The following ADGRB3 variants were observed in gnomAD, a reference collection of about 807,000 sequenced individuals.
ADGRB3 encodes brain-specific angiogenesis inhibitor 3.
ADGRB3 carries 37 observed loss-of-function variants against 193.4 expected under a neutral mutation model. The observed-to-expected ratio is 0.19, with a 90% confidence interval of 0.15 to 0.25. ADGRB3 has a LOEUF of 0.25. ADGRB3 is among the 10% of genes least tolerant of loss of function. The pLI is 1.00. For missense variants in ADGRB3, 1,637 were observed against 1,852.9 expected (o/e 0.88, Z 2.14); for synonymous variants, 690 against 644.2 (o/e 1.07, Z -1.08).
chr6:68,832,444 C>A (rs549440613), intron 3 of ADGRB3, among the ~76,000 whole-genome samples: 68 of 152,220 alleles, frequency 4.5e-4, no homozygotes, highest in African/African-American at 1.6e-3. Context: ...GGTTCATGCT[C>A]ATTTCTGAGT....
intron 26 of ADGRB3, among the ~76,000 whole-genome samples, chr6:69,345,711 C>T (rs1769069963): frequency 6.6e-6 from 1 of 152,122 alleles, no homozygotes; most frequent in Non-Finnish European, 1.5e-5. Flanking sequence ...AAGATGCCCT[C>T]TCTCACCACT....
intron 20 of ADGRB3, among the ~76,000 whole-genome samples, chr6:69,260,807 G>A (rs1766907752): frequency 6.6e-6 from 1 of 151,980 alleles, no homozygotes. Context: ...ATTTGCCATT[G>A]TAGTTTTTCA....
At chr6:69,147,033 G>C (rs1774522006) in intron 17 of ADGRB3, among the ~76,000 whole-genome samples, 1 of 149,370 alleles carries the variant, frequency 6.7e-6, no homozygotes, top group Admixed American at 6.7e-5. Context: ...TATTTATTTG[G>C]GTATCTCTCA....
At chr6:69,235,194 G>A in intron 19 of ADGRB3, 59 bp downstream of exon 19, 1 of 1,260,416 alleles carries the variant, frequency 7.9e-7, no homozygotes, top group Admixed American at 1.9e-5. Context: ...GTTAAATCAA[G>A]GAATGTGATA....
chr6:68,727,351 A>G (rs754669939), intron 3 of ADGRB3, among the ~76,000 whole-genome samples: 12 of 151,654 alleles, frequency 7.9e-5, no homozygotes, highest in Admixed American at 2.0e-4. Flanking sequence ...ATTTAAGACT[A>G]GAAATTAGGA....
At chr6:69,004,509 A>G (rs1017842985) in intron 11 of ADGRB3, among the ~76,000 whole-genome samples, 18 of 150,184 alleles carry the variant, frequency 1.2e-4, no homozygotes, top group Admixed American at 3.3e-4. Context: ...GGTGTGCTGC[A>G]CCCATTAACT....
intron 3 of ADGRB3, among the ~76,000 whole-genome samples, chr6:68,785,919 A>C (rs1033065552): frequency 3.3e-5 from 5 of 151,940 alleles, no homozygotes; most frequent in African/African-American, 4.8e-5. Context: ...GATGATGAGC[A>C]TTTTTTCATG....
chr6:68,668,403 TAGAC>T (rs1768851968), intron 3 of ADGRB3, among the ~76,000 whole-genome samples: 1 of 151,988 alleles, frequency 6.6e-6, no homozygotes, highest in Admixed American at 6.6e-5. Context: ...GAAGCTATAA[TAGAC>T]AGTGAGCTCC....
At chr6:68,772,894 A>AATATATATATATAT (rs1208790675) in intron 3 of ADGRB3, among the ~76,000 whole-genome samples, 7 of 22,868 alleles carry the variant, frequency 3.1e-4, no homozygotes, top group African/African-American at 1.2e-3. Context: ...AAAAAAAAAA[A>AATATATATATATAT]ATATATATAT....
At chr6:69,037,134 A>G (rs778981423) in intron 13 of ADGRB3, among the ~76,000 whole-genome samples, 2 of 152,120 alleles carry the variant, frequency 1.3e-5, no homozygotes, top group Non-Finnish European at 2.9e-5. Context: ...GGGGGCGAAA[A>G]TATCAATAGT....
intron 3 of ADGRB3, among the ~76,000 whole-genome samples, chr6:68,689,677 T>G (rs1462102040): frequency 3.3e-5 from 5 of 152,100 alleles, no homozygotes; most frequent in Non-Finnish European, 7.4e-5. Context: ...TTGTTTGTTT[T>G]TGTTTTTTTT....
In ADGRB3 at chr6:69,193,443, T is replaced by C. The variant is rs571018282; in HGVS notation, c.2481-39847T>C. On this transcript the variant is annotated intron_variant, in intron 17 of 31. Coordinates refer to ENST00000370598, the MANE Select transcript of ADGRB3 (RefSeq NM_001704.3). ...TATCTGTTAGTGGGTGTGGATGTGC[T>C]TCGGCATCTATACTTTTATTCAGGC... 7.2e-5 allele frequency among the ~76,000 whole-genome samples: 11 copies of C among 152,268 alleles called. No homozygotes were observed. The South Asian group carries it at 2.1e-3, about 29-fold the overall frequency.
intron 17 of ADGRB3, among the ~76,000 whole-genome samples, chr6:69,076,622 T>A (rs769375017): frequency 6.6e-6 from 1 of 152,088 alleles, no homozygotes; most frequent in Non-Finnish European, 1.5e-5. Flanking sequence ...TTGCAATATA[T>A]CTAATCAAAA....
chr6:68,843,742 T>C (rs532440441), intron 3 of ADGRB3, among the ~76,000 whole-genome samples: 1 of 152,030 alleles, frequency 6.6e-6, no homozygotes, highest in Admixed American at 6.5e-5. Flanking sequence ...AGAATAAAAC[T>C]GGAGGAATCA....
At chr6:68,928,708 C>A (rs1465738062) in intron 3 of ADGRB3, among the ~76,000 whole-genome samples, 3 of 152,136 alleles carry the variant, frequency 2.0e-5, no homozygotes, top group African/African-American at 7.2e-5. Context: ...ATGAAATAAT[C>A]TTTTCAGCAT....
At chr6:69,007,511 T>G (rs1024950893) in intron 11 of ADGRB3, among the ~76,000 whole-genome samples, 3 of 152,102 alleles carry the variant, frequency 2.0e-5, no homozygotes, top group African/African-American at 7.2e-5. Context: ...TTGTTCAGAC[T>G]GTCATTTACC....
At chr6:68,701,990 C>T (rs1346300014) in intron 3 of ADGRB3, among the ~76,000 whole-genome samples, 1 of 152,046 alleles carries the variant, frequency 6.6e-6, no homozygotes, top group Non-Finnish European at 1.5e-5. Context: ...ACAGTTTATT[C>T]TGGTTTGGCA....
At chr6:69,121,297 A>G (rs1326397473) in intron 17 of ADGRB3, among the ~76,000 whole-genome samples, 1 of 152,170 alleles carries the variant, frequency 6.6e-6, no homozygotes, top group African/African-American at 2.4e-5. Context: ...GACACAGCAC[A>G]TGTTTCAGAG....
intron 3 of ADGRB3, among the ~76,000 whole-genome samples, chr6:68,847,651 G>T (rs1768307201): frequency 6.6e-6 from 1 of 152,086 alleles, no homozygotes; most frequent in African/African-American, 2.4e-5. Context: ...GACCTCCCCA[G>T]CCATGTGGAA....
Sources: gnomAD v4.1 joint callset for allele counts (sites outside exome capture counted in the v4.1 genomes callset) on GRCh38, gnomAD v4.1.1 for gene constraint, MANE v1.5 for transcripts, NCBI Gene and HGNC (gene_info 2026-07-23, HGNC 2026-07-21) for gene names.